Variants in CFAP299 observed in about 807,000 individuals in gnomAD.
The protein encoded by CFAP299 is cilia- and flagella-associated protein 299.
CFAP299 carries 21 observed loss-of-function variants against 27.0 expected under a neutral mutation model. That is an observed-to-expected ratio of 0.78 (90% confidence interval 0.55 to 1.12). The LOEUF (loss-of-function observed/expected upper bound fraction) is 1.12. CFAP299 is among the 50% of genes most tolerant of loss of function. The pLI, the probability that CFAP299 is intolerant of heterozygous loss-of-function variation, is 0.00. For synonymous variants in CFAP299, 104 were observed against 98.1 expected, an observed-to-expected ratio of 1.06 and a Z score of -0.36; for missense variants, 310 against 276.6, an observed-to-expected ratio of 1.12 and a Z score of -0.86.
At chr4:80,576,476 T>C (rs911011689) in intron 2 of CFAP299, among the ~76,000 whole-genome samples, 4 of 152,138 alleles carry the variant, frequency 2.6e-5, no homozygotes, top group Middle Eastern at 3.4e-3. Flanking sequence ...AATAAAATTA[T>C]ATTTTCTCAT....
chr4:80,799,168 TTA>T (rs1222533452), intron 3 of CFAP299, among the ~76,000 whole-genome samples: 3 of 97,754 alleles, frequency 3.1e-5, no homozygotes, highest in East Asian at 7.7e-4. Context: ...TATACAATAT[TTA>T]TATATATTGT....
chr4:80,472,970 A>G (rs991264636), intron 2 of CFAP299, among the ~76,000 whole-genome samples: 1 of 152,190 alleles, frequency 6.6e-6, no homozygotes, highest in African/African-American at 2.4e-5. Flanking sequence ...AATTCATTGA[A>G]TCATGACAAA....
chr4:80,386,451 A>G, intron 2 of CFAP299: 1 of 1,539,012 alleles, frequency 6.5e-7, no homozygotes, highest in South Asian at 1.2e-5. Context: ...CAAGGGGGTC[A>G]CCACCTTGCG....
chr4:80,671,578 C>A (rs1439800143), intron 3 of CFAP299, among the ~76,000 whole-genome samples: 3 of 152,144 alleles, frequency 2.0e-5, no homozygotes, highest in South Asian at 4.2e-4. Flanking sequence ...CTATAAATTA[C>A]CTTGGGCAGT....
chr4:80,447,054 A>G (rs1444147174), intron 2 of CFAP299, among the ~76,000 whole-genome samples: 1 of 149,694 alleles, frequency 6.7e-6, no homozygotes, highest in Non-Finnish European at 1.5e-5. Context: ...ATAAGTAGGC[A>G]CTTACCCTCT....
At chr4:80,870,712 G>A (rs546718333) in intron 4 of CFAP299, 2 of 985,416 alleles carry the variant, frequency 2.0e-6, no homozygotes, top group South Asian at 9.4e-5. Flanking sequence ...TAGCATGCAA[G>A]CTAAAACTTT....
chr4:80,513,196 G>A (rs538361767), intron 2 of CFAP299, among the ~76,000 whole-genome samples: 12 of 152,194 alleles, frequency 7.9e-5, no homozygotes, highest in Middle Eastern at 3.4e-3. Flanking sequence ...GATTGATAAA[G>A]CATATGCATA....
At chr4:80,481,030 A>G (rs906494522) in intron 2 of CFAP299, among the ~76,000 whole-genome samples, 2 of 152,068 alleles carry the variant, frequency 1.3e-5, no homozygotes, top group Non-Finnish European at 2.9e-5. Context: ...TATCGCTGTA[A>G]GCCATTTAAG....
At chr4:80,682,890 T>C (rs1414114096) in intron 3 of CFAP299, among the ~76,000 whole-genome samples, 1 of 152,148 alleles carries the variant, frequency 6.6e-6, no homozygotes, top group Non-Finnish European at 1.5e-5. Context: ...TCATCCTGAT[T>C]ATAGATAAAA....
chr4:80,698,222 C>T (rs1353128635), intron 3 of CFAP299, among the ~76,000 whole-genome samples: 1 of 152,108 alleles, frequency 6.6e-6, no homozygotes, highest in Non-Finnish European at 1.5e-5. Flanking sequence ...TGAAATCATT[C>T]GTTTAAAGAC....
At chr4:80,815,843 C>T (rs879339071) in intron 3 of CFAP299, among the ~76,000 whole-genome samples, 1 of 151,794 alleles carries the variant, frequency 6.6e-6, no homozygotes, top group Non-Finnish European at 1.5e-5. Flanking sequence ...GAAATAGATA[C>T]CCCACATTTT....
chr4:80,881,449 G>T (rs559599495), intron 4 of CFAP299, among the ~76,000 whole-genome samples: 12 of 152,294 alleles, frequency 7.9e-5, no homozygotes, highest in Admixed American at 4.6e-4. Flanking sequence ...TCGTCTTATA[G>T]CTGGCACTGC....
chr4:80,406,935 C>T (rs768448679), intron 2 of CFAP299, among the ~76,000 whole-genome samples: 8 of 151,988 alleles, frequency 5.3e-5, no homozygotes, highest in South Asian at 2.1e-4. Context: ...AGTGGTAGGG[C>T]GCTGTATGTT....
chr4:80,513,464 G>T (rs1043677984), intron 2 of CFAP299, among the ~76,000 whole-genome samples: 4 of 152,088 alleles, frequency 2.6e-5, no homozygotes, highest in Non-Finnish European at 5.9e-5. Flanking sequence ...AGTCTAAAAT[G>T]CAAGCCCACA....
chr4:80,827,149 TA>T (rs1730031327), intron 3 of CFAP299, among the ~76,000 whole-genome samples: 1 of 151,826 alleles, frequency 6.6e-6, no homozygotes, highest in African/African-American at 2.4e-5. Context: ...AGAGTTCATA[TA>T]AATCTATCTG....
intron 2 of CFAP299, among the ~76,000 whole-genome samples, chr4:80,567,643 G>T (rs1352818707): frequency 2.0e-5 from 3 of 151,768 alleles, no homozygotes; most frequent in African/African-American, 7.3e-5. Flanking sequence ...CTGTTGAATT[G>T]ATGCTCAAAG....
chr4:80,751,396 A>G (rs1449870219), intron 3 of CFAP299, among the ~76,000 whole-genome samples: 1 of 152,084 alleles, frequency 6.6e-6, no homozygotes, highest in African/African-American at 2.4e-5. Context: ...GATCTTTTGT[A>G]TTCTCCAAAG....
chr4:80,835,924 TA>T (rs963750394), intron 3 of CFAP299, among the ~76,000 whole-genome samples: 14 of 152,236 alleles, frequency 9.2e-5, no homozygotes, highest in Non-Finnish European at 1.8e-4. Flanking sequence ...CAAAACTTTT[TA>T]GGAAGTCTGA....
At chr4:80,664,938 T>C (rs1362631382) in intron 3 of CFAP299, among the ~76,000 whole-genome samples, 1 of 152,100 alleles carries the variant, frequency 6.6e-6, no homozygotes, top group African/African-American at 2.4e-5. Context: ...AATGCACCAT[T>C]CCTCATGGCA....
Sources: allele counts gnomAD v4.1 joint callset (sites outside exome capture counted in the v4.1 genomes callset), GRCh38; gene constraint gnomAD v4.1.1; transcripts MANE v1.5; gene names NCBI Gene and HGNC (gene_info 2026-07-23, HGNC 2026-07-21).